The following ITPR2 variants were observed in gnomAD, a reference collection of about 807,000 sequenced individuals.
The protein encoded by ITPR2 is inositol 1,4,5-trisphosphate receptor type 2.
Under a neutral mutation model 317.1 loss-of-function variants are expected in ITPR2, and 207 were observed. The ratio of observed to expected loss-of-function variants is 0.65; its 90% CI spans 0.58 to 0.73. The LOEUF is 0.73. Ranked by LOEUF, ITPR2 falls within the 30% of genes least tolerant of loss-of-function variation. The pLI, the probability that ITPR2 is intolerant of heterozygous loss-of-function variation, is 0.00. For synonymous variants in ITPR2, 1,156 were observed against 1,149.1 expected (o/e 1.01, Z -0.12); for missense variants, 2,613 against 3,284.0 (o/e 0.80, Z 4.99).
chr12:26,425,298 A>G (rs1050985064), intron 49 of ITPR2, among the ~76,000 whole-genome samples: 1 of 152,210 alleles, frequency 6.6e-6, no homozygotes, highest in African/African-American at 2.4e-5. Context: ...TTTTTTGTCA[A>G]TATCTACAAT....
At chr12:26,378,765 T>G (rs1160090169) in intron 55 of ITPR2, among the ~76,000 whole-genome samples, 4 of 152,238 alleles carry the variant, frequency 2.6e-5, no homozygotes, top group Admixed American at 6.5e-5. Flanking sequence ...CTCTTTTTCT[T>G]TCTCGCCTGC....
At chr12:26,580,303 C>T in intron 32 of ITPR2, 148 bp from the exon 33 acceptor site, 1 of 647,150 alleles carries the variant, frequency 1.5e-6, no homozygotes. Context: ...GCATTTCAGC[C>T]TGAAATCATG....
At chr12:26,350,181 G>A (rs548822427) in intron 55 of ITPR2, among the ~76,000 whole-genome samples, 170 of 152,254 alleles carry the variant, frequency 1.1e-3, no homozygotes, top group African/African-American at 3.2e-3. Flanking sequence ...GCGGAGGGAA[G>A]CAGGTAAGTG....
Position 26,832,799 on chromosome 12 carries a change from A to G in ITPR2, c.-18T>C. The G allele has an allele frequency of 6.3e-7, 1 of 1,575,786 alleles. No individual in the cohort carries two copies. The highest frequency in any genetic ancestry group is 1.1e-5 in the South Asian group (1 of 88,894). ...TCAGTCATGCTGCTTCATGTTCCAC[A>G]GTGGACGTCCCTCTTCTTCCCTGCG... On this transcript the variant is annotated 5_prime_UTR_variant, in exon 1 of 57. Coordinates refer to ENST00000381340, the MANE Select transcript of ITPR2 (RefSeq NM_002223.4).
chr12:26,765,684 G>C (rs1449617116), intron 2 of ITPR2, among the ~76,000 whole-genome samples: 1 of 152,056 alleles, frequency 6.6e-6, no homozygotes, highest in Non-Finnish European at 1.5e-5. Flanking sequence ...TATTTAAAGT[G>C]TGTAATTTCA....
intron 5 of ITPR2, among the ~76,000 whole-genome samples, chr12:26,721,034 G>T (rs1307723195): frequency 6.6e-6 from 1 of 152,088 alleles, no homozygotes; most frequent in Non-Finnish European, 1.5e-5. Flanking sequence ...GGAGGGCTGG[G>T]GATGGGAACA....
chr12:26,437,520 T>C (rs750140765), intron 47 of ITPR2, among the ~76,000 whole-genome samples: 1 of 152,164 alleles, frequency 6.6e-6, no homozygotes, highest in East Asian at 1.9e-4. Context: ...TTTTTAAAGG[T>C]AGACTATTAA....
intron 48 of ITPR2, among the ~76,000 whole-genome samples, chr12:26,429,376 A>G (rs1249926184): frequency 6.6e-6 from 1 of 152,186 alleles, no homozygotes; most frequent in Non-Finnish European, 1.5e-5. Flanking sequence ...TAATTTGGAG[A>G]TGGGGAAAGA....
At chr12:26,466,062 A>G (rs1053096882) in intron 45 of ITPR2, among the ~76,000 whole-genome samples, 1 of 152,200 alleles carries the variant, frequency 6.6e-6, no homozygotes, top group Non-Finnish European at 1.5e-5. Flanking sequence ...CTAAGTTCAC[A>G]TATTAGAAAG....
intron 55 of ITPR2, among the ~76,000 whole-genome samples, chr12:26,346,722 G>C (rs1195564675): frequency 6.6e-6 from 1 of 151,440 alleles, no homozygotes; most frequent in East Asian, 1.9e-4. Context: ...AACGGAAAGA[G>C]CACCAATCTA....
At chr12:26,379,941 G>C (rs1314111218) in intron 55 of ITPR2, among the ~76,000 whole-genome samples, 1 of 152,212 alleles carries the variant, frequency 6.6e-6, no homozygotes, top group Non-Finnish European at 1.5e-5. Context: ...CTTGGGTTCT[G>C]TAACTCTGTG....
At chr12:26,586,226 C>T (rs1945523536) in intron 32 of ITPR2, among the ~76,000 whole-genome samples, 2 of 151,844 alleles carry the variant, frequency 1.3e-5, no homozygotes, top group Admixed American at 6.6e-5. Context: ...CTCACTACAG[C>T]CTCAAACTCC....
At chr12:26,681,229 C>A (rs935227671) in intron 13 of ITPR2, among the ~76,000 whole-genome samples, 2 of 152,164 alleles carry the variant, frequency 1.3e-5, no homozygotes, top group African/African-American at 4.8e-5. Flanking sequence ...TTATGTAAAA[C>A]AGGAATACCT....
intron 50 of ITPR2, among the ~76,000 whole-genome samples, chr12:26,417,794 C>T (rs1273460826): frequency 7.0e-6 from 1 of 143,668 alleles, no homozygotes; most frequent in African/African-American, 2.5e-5. Flanking sequence ...GAAAGTTGAG[C>T]ACAAAAGTAT....
At chr12:26,739,655 A>C (rs1949197228) in intron 2 of ITPR2, among the ~76,000 whole-genome samples, 1 of 152,238 alleles carries the variant, frequency 6.6e-6, no homozygotes, top group African/African-American at 2.4e-5. Context: ...GGTGGAAGCA[A>C]GGATTGACTG....
chr12:26,599,360 A>G lies in ITPR2; in HGVS notation c.3802-15T>C, dbSNP rs1945936590. On this transcript the variant is annotated splice_polypyrimidine_tract_variant and intron_variant, in intron 29 of 56. Transcript: ENST00000381340. ...GCTTCAAGGAGCTAAACACAGAGGA[A>G]CATGCCCTTGTAATTCTGACAAGAT... The G allele has an allele frequency of 6.2e-7, 1 of 1,611,254 alleles. No individual in the cohort carries two copies. Among genetic ancestry groups the G allele is most frequent in the South Asian group, 1.1e-5 (1 of 91,028 alleles).
At chr12:26,368,515 TA>T in intron 55 of ITPR2, among the ~76,000 whole-genome samples, 1 of 152,162 alleles carries the variant, frequency 6.6e-6, no homozygotes, top group Admixed American at 6.5e-5. Context: ...AGAGACAAAA[TA>T]AGGCTCAGAG....
intron 39 of ITPR2, among the ~76,000 whole-genome samples, chr12:26,488,573 A>T (rs1942725401): frequency 6.6e-6 from 1 of 152,210 alleles, no homozygotes; most frequent in African/African-American, 2.4e-5. Flanking sequence ...CACAGAGGGC[A>T]AGCAACCCTC....
chr12:26,802,522 T>A (rs1950572527), intron 1 of ITPR2, among the ~76,000 whole-genome samples: 1 of 150,520 alleles, frequency 6.6e-6, no homozygotes, highest in Admixed American at 6.7e-5. Context: ...CTCCTAGGAA[T>A]GTTTCTCAAC....
Sources: gnomAD v4.1 joint callset for allele counts (sites outside exome capture counted in the v4.1 genomes callset) on GRCh38, gnomAD v4.1.1 for gene constraint, MANE v1.5 for transcripts, NCBI Gene and HGNC (gene_info 2026-07-23, HGNC 2026-07-21) for gene names.